The following USP3 variants were observed in gnomAD, a reference collection of about 807,000 sequenced individuals.
USP3 encodes the protein ubiquitin specific peptidase 3, also known as ubiquitin carboxyl-terminal hydrolase 3.
A neutral mutation model predicts 72.3 loss-of-function variants in USP3; 20 were observed. The observed-to-expected ratio is 0.28, with a 90% CI of 0.19 to 0.40. The LOEUF (loss-of-function observed/expected upper bound fraction) is 0.40, where lower values mean the gene tolerates loss of function less well. Ranked by LOEUF, USP3 falls within the 10% of genes least tolerant of loss-of-function variation. The pLI, the probability that USP3 is intolerant of heterozygous loss-of-function variation, is 1.00. For missense variants in USP3, 479 were observed against 633.9 expected (o/e 0.76, Z 2.62); for synonymous variants, 222 against 225.3 (o/e 0.99, Z 0.13).
At chr15:63,546,475 GT>G (rs1342043693) in intron 3 of USP3, among the ~76,000 whole-genome samples, 1 of 152,180 alleles carries the variant, frequency 6.6e-6, no homozygotes, top group Admixed American at 6.6e-5. Context: ...ATTAAGAAGA[GT>G]GACTAAATTT....
rs772713398 is a variant in USP3, at chr15:63,570,602, T to G, written c.908+23T>G. ...CATGTAAGATTTAGTTGCCTTCTGT[T>G]TTTTAGGAGGGCCTCAGACATTTCT... On this transcript the variant is annotated intron_variant, in intron 9 of 14. Transcript: ENST00000380324. The surrounding 1 kb of genome is among the most constrained non-coding windows in gnomAD (Gnocchi z 4.4). 2 of 1,593,256 alleles carry G rather than the reference T, an allele frequency of 1.3e-6. No homozygotes were observed. The highest frequency in any genetic ancestry group is 1.1e-5 in the South Asian group (1 of 87,676).
chr15:63,570,664 G>A lies in USP3; in HGVS notation c.908+85G>A. On this transcript the variant is annotated intron_variant, in intron 9 of 14. Transcript: ENST00000380324. This position sits in a 1 kb window ranked among gnomAD's most constrained non-coding sequence, Gnocchi z 4.4. ...TTATGTGTTAGATTTATAACGGAAG[G>A]TAGAGGGGTTTCTTGGACATTTGCT... The A allele has an allele frequency of 6.6e-7, 1 of 1,520,988 alleles. No homozygotes were observed. Among genetic ancestry groups the A allele is most frequent in the Non-Finnish European group, 8.8e-7 (1 of 1,136,144 alleles). 94.2% of individuals were successfully genotyped at this position (1,520,988 alleles called of 1,614,324 possible).
intron 9 of USP3, among the ~76,000 whole-genome samples, chr15:63,571,013 A>G (rs1389167744): frequency 6.6e-6 from 1 of 152,192 alleles, no homozygotes; most frequent in Non-Finnish European, 1.5e-5. Context: ...CCTAAAGTTT[A>G]TCTGTTCTTT....
chr15:63,566,732 G>T (rs1053897787), intron 8 of USP3, among the ~76,000 whole-genome samples: 1 of 152,206 alleles, frequency 6.6e-6, no homozygotes. Flanking sequence ...CTGTAGCCAA[G>T]AATTTTGCTA....
rs370205284 is a variant in USP3 at position 63,571,565 on chromosome 15, A to G, written c.908+986A>G. ...GTTCTTCCTGCTAGCACCAAATTAA[A>G]AAGTATTAAATGAAAAATTCTGTTT... is the stretch of plus-strand genomic sequence containing the variant. On this transcript the variant is annotated intron_variant, in intron 9 of 14. Coordinates refer to ENST00000380324, the MANE Select transcript of USP3 (RefSeq NM_006537.4). Among the ~76,000 whole-genome samples, 9 of 152,248 alleles carry G rather than the reference A, an allele frequency of 5.9e-5. No homozygotes were observed. In the South Asian group the frequency reaches 8.3e-4, roughly 14 times the overall value.
chr15:63,556,470 G>T, intron 4 of USP3, 197 bp from the exon 5 acceptor site: 1 of 441,748 alleles, frequency 2.3e-6, no homozygotes. Context: ...ACCTCTGCTG[G>T]AGGAGCAATG....
chr15:63,550,794 A>T (rs2066425567), intron 3 of USP3, among the ~76,000 whole-genome samples: 1 of 152,162 alleles, frequency 6.6e-6, no homozygotes, highest in Non-Finnish European at 1.5e-5. Context: ...ATTTAAAAAT[A>T]TAATTTCCTT....
chr15:63,520,554 A>ATTTTTTTT (rs35244583), intron 1 of USP3, among the ~76,000 whole-genome samples: 3 of 105,424 alleles, frequency 2.8e-5, no homozygotes, highest in Admixed American at 1.0e-4. Flanking sequence ...TCTGTTTTAG[A>ATTTTTTTT]TTTTTTTTTT....
chr15:63,550,415 C>A (rs996376487), intron 3 of USP3, among the ~76,000 whole-genome samples: 4 of 152,158 alleles, frequency 2.6e-5, no homozygotes, highest in African/African-American at 9.7e-5. Flanking sequence ...AGAAATAAAT[C>A]CAACAAATAC....
intron 4 of USP3, among the ~76,000 whole-genome samples, chr15:63,555,379 G>A (rs1033467000): frequency 1.3e-5 from 2 of 152,208 alleles, no homozygotes; most frequent in Non-Finnish European, 2.9e-5. Context: ...TGCAGTGACA[G>A]AAATGTTCTC....
At chr15:63,586,706 T>C (rs1026247053) in intron 11 of USP3, 6 of 152,220 alleles carry the variant, frequency 3.9e-5, no homozygotes, top group African/African-American at 1.4e-4. Flanking sequence ...TGTCAAAATA[T>C]AATACATCCT....
chr15:63,563,175 AAC>A (rs2066634694), intron 8 of USP3, among the ~76,000 whole-genome samples, 167 bp downstream of exon 8: 1 of 152,300 alleles, frequency 6.6e-6, no homozygotes, highest in East Asian at 1.9e-4. Context: ...CATCTGACTA[AAC>A]ACATGTGTTT....
intron 3 of USP3, chr15:63,551,356 T>TA (rs1397986611): frequency 1.4e-4 from 21 of 151,810 alleles, no homozygotes; most frequent in Non-Finnish European, 2.9e-4. Flanking sequence ...CATTTGAAAG[T>TA]AAAAATTTTT....
At chr15:63,554,587 G>T (rs1432037280) in intron 4 of USP3, among the ~76,000 whole-genome samples, 2 of 152,142 alleles carry the variant, frequency 1.3e-5, no homozygotes, top group Non-Finnish European at 2.9e-5. Context: ...TGTGTAGAAG[G>T]TATTGTGAAA....
chr15:63,512,100 C>T (rs758921719), intron 1 of USP3, among the ~76,000 whole-genome samples: 18 of 151,668 alleles, frequency 1.2e-4, no homozygotes, highest in Non-Finnish European at 2.2e-4. Flanking sequence ...GGATTACAGA[C>T]GCACACCACC....
rs183514762 is a variant in USP3, at chr15:63,536,101, A to G, written c.153-924A>G. ...TTCATTGTGCCTGCTGTAATACTAA[A>G]TCTGAGTTGGAATGTGTTACACAAT... On this transcript the variant is annotated intron_variant, in intron 2 of 14. Coordinates refer to ENST00000380324, the MANE Select transcript of USP3 (RefSeq NM_006537.4). Among the ~76,000 whole-genome samples, 142 of 152,322 alleles carry G rather than the reference A, an allele frequency of 9.3e-4. 1 individual carries two copies. Among genetic ancestry groups the G allele is most frequent in the African/African-American group, 3.4e-3 (141 of 41,576 alleles).
At chr15:63,545,715 A>G (rs1236113960) in intron 3 of USP3, among the ~76,000 whole-genome samples, 1 of 152,048 alleles carries the variant, frequency 6.6e-6, no homozygotes, top group African/African-American at 2.4e-5. Context: ...CACAACTGTA[A>G]TCCCAGCACA....
chr15:63,588,354 A>G lies in USP3; in HGVS notation c.1146A>G (p.Leu382=). The G allele has an allele frequency of 1.2e-6, 2 of 1,607,814 alleles. No homozygotes were observed. Among genetic ancestry groups the G allele is most frequent in the Non-Finnish European group, 1.7e-6 (2 of 1,178,426 alleles). ...TAGAAGAACTTGATGAGACAGAGTTATATATGTGCCATAAATGCAAAAAGA... is the reference window on the plus strand; with the variant it reads ...TAGAAGAACTTGATGAGACAGAGTTGTATATGTGCCATAAATGCAAAAAGA... The part of the protein sequence containing the change: ...TDLEELDETE[L]YMCHKCKKKQ... Residue 382 remains leucine (L), a synonymous_variant, in exon 12 of 15, where the codon TTA becomes TTG. Coordinates refer to ENST00000380324, the MANE Select transcript of USP3 (RefSeq NM_006537.4). The surrounding 1 kb of genome is among the most constrained non-coding windows in gnomAD (Gnocchi z 4.6).
At chr15:63,590,531 T>C in intron 14 of USP3, 130 bp from the exon 15 acceptor site, 1 of 944,844 alleles carries the variant, frequency 1.1e-6, no homozygotes, top group Non-Finnish European at 1.4e-6. Context: ...AAAACATTAA[T>C]TTAACAAGCA....
Sources: allele counts gnomAD v4.1 joint callset (sites outside exome capture counted in the v4.1 genomes callset), GRCh38; gene constraint gnomAD v4.1.1; non-coding constraint Gnocchi (gnomAD v3.1); transcripts MANE v1.5; gene names NCBI Gene and HGNC (gene_info 2026-07-23, HGNC 2026-07-21).